STOX2: variants seen among roughly 807,000 people sequenced by gnomAD.
The protein encoded by STOX2 is storkhead box 2, also known as storkhead-box protein 2.
A neutral mutation model predicts 60.9 loss-of-function variants in STOX2; 28 were observed. The ratio of observed to expected loss-of-function variants is 0.46; its 90% confidence interval spans 0.34 to 0.63. The LOEUF (loss-of-function observed/expected upper bound fraction) is 0.63, where lower values mean the gene tolerates loss of function less well. Ranked by LOEUF, STOX2 falls within the 30% of genes least tolerant of loss-of-function variation. The pLI, the probability that STOX2 is intolerant of heterozygous loss-of-function variation, is 0.01. For synonymous variants in STOX2, 472 were observed against 463.9 expected, an observed-to-expected ratio of 1.02 and a Z score of -0.22; for missense variants, 1,024 against 1,187.7, an observed-to-expected ratio of 0.86 and a Z score of 2.03.
At chr4:183,936,291 G>C (rs1012187060) in intron 1 of STOX2, among the ~76,000 whole-genome samples, 2 of 152,134 alleles carry the variant, frequency 1.3e-5, no homozygotes, top group Admixed American at 6.6e-5. Flanking sequence ...GCCTCGTGTA[G>C]CCTAGCCTAG....
At chr4:183,987,810 T>C (rs1732913329) in intron 1 of STOX2, 1 of 152,224 alleles carries the variant, frequency 6.6e-6, no homozygotes, top group Admixed American at 6.5e-5. Flanking sequence ...CAGCTAAACT[T>C]TGATACAGTG....
intron 1 of STOX2, among the ~76,000 whole-genome samples, chr4:183,807,377 C>A: frequency 1.1e-5 from 1 of 93,870 alleles, no homozygotes; most frequent in South Asian, 3.2e-4. Context: ...CAGCAGTCCC[C>A]AGGCCCTTCT....
intron 1 of STOX2, among the ~76,000 whole-genome samples, chr4:183,918,836 G>A (rs1015867660): frequency 2.0e-5 from 3 of 152,290 alleles, no homozygotes; most frequent in Middle Eastern, 3.4e-3. Flanking sequence ...CCGGGATGAC[G>A]GCCTGAGCTG....
chr4:184,001,303 C>T lies in STOX2; in HGVS notation c.167-22C>T. On this transcript the variant is annotated intron_variant, in intron 1 of 3. Transcript: ENST00000308497. The surrounding 1 kb of genome is among the most constrained non-coding windows in gnomAD (Gnocchi z 4.2). ...ACCGGGTCTTTTAATGAACCACTCA[C>T]TTGAAAATTGTCTTTCTGCAGGTGA... 1 of 1,612,356 alleles carries T rather than the reference C, an allele frequency of 6.2e-7. No individual in the cohort carries two copies. Among genetic ancestry groups the T allele is most frequent in the Non-Finnish European group, 8.5e-7 (1 of 1,178,656 alleles).
At chr4:183,929,657 C>T (rs1742352779) in intron 1 of STOX2, among the ~76,000 whole-genome samples, 2 of 152,116 alleles carry the variant, frequency 1.3e-5, no homozygotes, top group Admixed American at 6.5e-5. Flanking sequence ...GGATTCATAA[C>T]TCTCACTTCG....
intron 2 of STOX2, among the ~76,000 whole-genome samples, chr4:184,004,506 A>G (rs987628688): frequency 5.9e-5 from 9 of 152,208 alleles, no homozygotes; most frequent in African/African-American, 1.9e-4. Flanking sequence ...AGGCTGAGGC[A>G]GGAGAATGGC....
In STOX2 at chr4:183,841,182, T is replaced by C. The variant is rs553310575; in HGVS notation, c.364+43127T>C. ...GCCCGGTTCAGTTTTCATCGTAGTA[T>C]TTATTTATTTATTTATTTATTTATT... On this transcript the variant is annotated intron_variant, in intron 1 of 2. Coordinates refer to the STOX2 transcript ENST00000513034. Among the ~76,000 whole-genome samples, 17 of 129,436 alleles carry C rather than the reference T, an allele frequency of 1.3e-4. No homozygotes were observed. In the East Asian group the frequency reaches 3.5e-3, roughly 26 times the overall value. The allele number at this position is 129,436 out of a possible 152,430, so 84.9% of individuals were successfully genotyped here. A position where few individuals can be genotyped will look rare whatever the true frequency, so the allele number is the denominator to read the frequency against.
At chr4:183,956,320 A>C (rs1321689197) in intron 1 of STOX2, among the ~76,000 whole-genome samples, 2 of 152,204 alleles carry the variant, frequency 1.3e-5, no homozygotes, top group Admixed American at 6.5e-5. Flanking sequence ...CTAGTCTGCT[A>C]TTCACCTAGA....
chr4:183,866,060 C>G (rs1355052606), intron 1 of STOX2, among the ~76,000 whole-genome samples: 2 of 152,028 alleles, frequency 1.3e-5, no homozygotes, highest in African/African-American at 2.4e-5. Context: ...CAGAGAAAAC[C>G]CACAGCATAG....
At chr4:183,890,105 C>T (rs1226392666) in intron 1 of STOX2, among the ~76,000 whole-genome samples, 2 of 152,156 alleles carry the variant, frequency 1.3e-5, no homozygotes, top group East Asian at 1.9e-4. Flanking sequence ...CCTGCGCATA[C>T]CATTAAGCTA....
intron 1 of STOX2, among the ~76,000 whole-genome samples, chr4:183,885,437 C>T (rs776980483): frequency 3.9e-5 from 6 of 152,228 alleles, no homozygotes; most frequent in Non-Finnish European, 7.3e-5. Flanking sequence ...TTCGTGGTCA[C>T]TGCCTCCTGC....
At chr4:183,888,349 A>G (rs527253099) in intron 1 of STOX2, among the ~76,000 whole-genome samples, 9 of 152,282 alleles carry the variant, frequency 5.9e-5, no homozygotes, top group Non-Finnish European at 1.3e-4. Context: ...AGCCTTGAGA[A>G]TTCTATTATT....
rs1009157115 is a variant in STOX2 at position 183,826,539 on chromosome 4, A to G, written c.364+28484A>G. ...TTCCATGGCTTGTATTCTCTACACC[A>G]CTTCACTCCTTTCAAATACGAGCCA... On this transcript the variant is annotated intron_variant, in intron 1 of 2. Coordinates refer to the STOX2 transcript ENST00000513034. Among the ~76,000 whole-genome samples the G allele has an allele frequency of 3.3e-5, 5 of 152,234 alleles. No homozygotes were observed. In the East Asian group the frequency reaches 9.7e-4, roughly 29 times the overall value.
intron 1 of STOX2, among the ~76,000 whole-genome samples, chr4:183,949,523 C>T (rs1035396462): frequency 2.0e-5 from 3 of 152,118 alleles, no homozygotes; most frequent in East Asian, 3.9e-4. Context: ...CATGATGAAA[C>T]CCCATCTCTA....
chr4:183,824,387 G>A (rs1739374589), intron 1 of STOX2, among the ~76,000 whole-genome samples: 1 of 151,984 alleles, frequency 6.6e-6, no homozygotes, highest in Non-Finnish European at 1.5e-5. Flanking sequence ...TTGGGCCTTG[G>A]GTAATTTCGT....
chr4:183,995,291 C>CTTTTTTTTTTTTT (rs61681165), intron 1 of STOX2, among the ~76,000 whole-genome samples: 2 of 79,452 alleles, frequency 2.5e-5, no homozygotes, highest in African/African-American at 6.2e-5. Flanking sequence ...TTATTTTAGT[C>CTTTTTTTTTTTTT]TTTTTTTTTT....
chr4:183,880,479 C>T (rs1342533282), intron 1 of STOX2, among the ~76,000 whole-genome samples: 1 of 152,090 alleles, frequency 6.6e-6, no homozygotes, highest in Non-Finnish European at 1.5e-5. Flanking sequence ...TTTTGCAGAA[C>T]GATTGATTGA....
intron 1 of STOX2, among the ~76,000 whole-genome samples, chr4:183,993,686 G>A (rs761641894): frequency 2.6e-5 from 4 of 152,070 alleles, no homozygotes; most frequent in African/African-American, 9.7e-5. Context: ...TATTGCCATC[G>A]GGCTCAGCCT....
intron 1 of STOX2, among the ~76,000 whole-genome samples, chr4:183,944,655 A>G (rs1393146983): frequency 1.3e-5 from 2 of 152,240 alleles, no homozygotes; most frequent in African/African-American, 4.8e-5. Flanking sequence ...CGGAGGTTGC[A>G]GTGAGCCAAG....
Sources: gnomAD v4.1 joint callset for allele counts (sites outside exome capture counted in the v4.1 genomes callset) on GRCh38, gnomAD v4.1.1 for gene constraint, Gnocchi (gnomAD v3.1) non-coding constraint, MANE v1.5 for transcripts, NCBI Gene and HGNC (gene_info 2026-07-23, HGNC 2026-07-21) for gene names.